Variants in KCNN2 observed in about 807,000 individuals in gnomAD.
The protein encoded by KCNN2 is potassium calcium-activated channel subfamily N member 2.
In KCNN2, 24 loss-of-function variants were observed where a neutral mutation model predicts 55.5. That is an observed-to-expected ratio of 0.43 (90% CI 0.31 to 0.61). The LOEUF is 0.61. Ranked by LOEUF, KCNN2 falls within the 20% of genes least tolerant of loss-of-function variation. The probability of loss-of-function intolerance (pLI) is 0.08; values close to 1 mark genes in which losing one functional copy is unlikely to be tolerated. For synonymous variants in KCNN2, 431 were observed against 336.1 expected (o/e 1.28, Z -3.09); for missense variants, 754 against 853.6 (o/e 0.88, Z 1.45).
intron 2 of KCNN2, among the ~76,000 whole-genome samples, chr5:114,238,867 A>G (rs1580649084): frequency 6.6e-6 from 1 of 152,114 alleles, no homozygotes; most frequent in East Asian, 1.9e-4. Context: ...GAGATGAAGG[A>G]GAACAGGGTA....
intron 1 of KCNN2, among the ~76,000 whole-genome samples, chr5:114,073,700 G>A (rs1580485666): frequency 6.6e-6 from 1 of 152,276 alleles, no homozygotes; most frequent in South Asian, 2.1e-4. Flanking sequence ...TTTGAGAGCT[G>A]GTCCTAAGCT....
At chr5:114,292,417 C>G (rs1292220960) in intron 2 of KCNN2, among the ~76,000 whole-genome samples, 1 of 152,116 alleles carries the variant, frequency 6.6e-6, no homozygotes, top group Non-Finnish European at 1.5e-5. Flanking sequence ...TATGGCTAGC[C>G]AGTTTTCCCA....
intron 1 of KCNN2, among the ~76,000 whole-genome samples, chr5:114,202,420 A>G (rs1753690614): frequency 6.6e-6 from 1 of 151,458 alleles, no homozygotes; most frequent in African/African-American, 2.4e-5. Context: ...AATTCTTGGT[A>G]TTTCATGATA....
intron 1 of KCNN2, among the ~76,000 whole-genome samples, chr5:114,162,638 G>A (rs1752813162): frequency 1.3e-5 from 2 of 152,172 alleles, no homozygotes; most frequent in East Asian, 1.9e-4. Context: ...CTTGAGCTGT[G>A]GTGGGCTCCA....
intron 2 of KCNN2, among the ~76,000 whole-genome samples, chr5:114,317,375 T>TC (rs1561568693): frequency 2.0e-5 from 3 of 152,182 alleles, no homozygotes; most frequent in Non-Finnish European, 2.9e-5. Context: ...AGGCAACCCC[T>TC]CACAAGGTAA....
At chr5:114,320,144 C>A (rs184927757) in intron 2 of KCNN2, among the ~76,000 whole-genome samples, 1 of 152,018 alleles carries the variant, frequency 6.6e-6, no homozygotes, top group African/African-American at 2.4e-5. Context: ...GGAAAAGATT[C>A]GAGTACAGTC....
intron 2 of KCNN2, among the ~76,000 whole-genome samples, chr5:114,249,196 T>G (rs1754808748): frequency 6.6e-6 from 1 of 152,090 alleles, no homozygotes; most frequent in Non-Finnish European, 1.5e-5. Flanking sequence ...TTTTTAGACA[T>G]GAACTTAAAG....
At chr5:114,438,513 C>T (rs1265794047) in intron 3 of KCNN2, among the ~76,000 whole-genome samples, 1 of 152,156 alleles carries the variant, frequency 6.6e-6, no homozygotes, top group Admixed American at 6.5e-5. Context: ...TCTAATTTCA[C>T]GCCTCACTTA....
At chr5:114,386,371 G>T (rs1034875216) in intron 2 of KCNN2, among the ~76,000 whole-genome samples, 3 of 151,658 alleles carry the variant, frequency 2.0e-5, no homozygotes, top group Admixed American at 1.3e-4. Flanking sequence ...CTCCACCAGG[G>T]GCTGGTATAT....
In KCNN2 at chr5:114,325,224, G is replaced by A. The variant is rs114432820; in HGVS notation, c.-184-35721G>A. ...TGAAGAAAGGAAGAGGAATCAGGACGTGATGATTTGGGAAATTCTGTGTTG... is the reference window on the plus strand; with the variant it reads ...TGAAGAAAGGAAGAGGAATCAGGACATGATGATTTGGGAAATTCTGTGTTG... On this transcript the variant is annotated intron_variant, in intron 2 of 10. Coordinates refer to the KCNN2 transcript ENST00000512097. Among the ~76,000 whole-genome samples the A allele has an allele frequency of 4.7e-3, 710 of 152,276 alleles. 6 individuals are homozygous for A. The highest frequency in any genetic ancestry group is 0.016 in the African/African-American group (680 of 41,552).
intron 3 of KCNN2, among the ~76,000 whole-genome samples, chr5:114,416,716 A>G (rs990130395): frequency 3.9e-5 from 6 of 152,206 alleles, no homozygotes; most frequent in Admixed American, 6.5e-5. Flanking sequence ...GTTTCAGTTT[A>G]TTAAATTGTA....
intron 3 of KCNN2, among the ~76,000 whole-genome samples, chr5:114,438,996 A>T (rs1437801919): frequency 1.3e-5 from 2 of 152,328 alleles, no homozygotes; most frequent in Middle Eastern, 6.8e-3. Context: ...TGTAAATTTA[A>T]CTTAGACATT....
chr5:114,486,729 A>G, intron 5 of KCNN2: 1 of 1,295,174 alleles, frequency 7.7e-7, no homozygotes, highest in Non-Finnish European at 1.0e-6. Context: ...AACAATTGCA[A>G]TACACGGTGG....
intron 2 of KCNN2, among the ~76,000 whole-genome samples, chr5:114,229,992 A>G (rs185548049): frequency 7.9e-5 from 12 of 152,326 alleles, no homozygotes; most frequent in Admixed American, 7.8e-4. Context: ...GGTCTATTAG[A>G]TAAATACTCC....
chr5:114,190,796 T>C (rs1231720056), intron 1 of KCNN2, among the ~76,000 whole-genome samples: 1 of 152,156 alleles, frequency 6.6e-6, no homozygotes, highest in Non-Finnish European at 1.5e-5. Context: ...GAGAAAAACA[T>C]TTGTACCGAA....
intron 2 of KCNN2, among the ~76,000 whole-genome samples, chr5:114,385,517 G>GCACACACACA (rs201674964): frequency 2.3e-5 from 2 of 88,886 alleles, no homozygotes; most frequent in African/African-American, 5.3e-5. Context: ...ACACACATGC[G>GCACACACACA]CGCACACACA....
At chr5:114,062,270 C>G (rs778615173) in intron 1 of KCNN2, among the ~76,000 whole-genome samples, 1 of 152,028 alleles carries the variant, frequency 6.6e-6, no homozygotes, top group Non-Finnish European at 1.5e-5. Context: ...TTTCTGCTGC[C>G]CACAGAATAT....
chr5:114,120,163 C>T (rs530900836), intron 1 of KCNN2, among the ~76,000 whole-genome samples: 4 of 152,102 alleles, frequency 2.6e-5, no homozygotes, highest in African/African-American at 9.7e-5. Flanking sequence ...TCTGAGGTTT[C>T]ATTAAATTAT....
At chr5:114,399,707 G>T (rs1246354627) in intron 2 of KCNN2, among the ~76,000 whole-genome samples, 2 of 152,084 alleles carry the variant, frequency 1.3e-5, no homozygotes, top group East Asian at 3.9e-4. Context: ...ATATCTGATA[G>T]AATTCGGCTA....
Sources: gnomAD v4.1 joint callset for allele counts (sites outside exome capture counted in the v4.1 genomes callset) on GRCh38, gnomAD v4.1.1 for gene constraint, MANE v1.5 for transcripts, NCBI Gene and HGNC (gene_info 2026-07-23, HGNC 2026-07-21) for gene names.